PAK5: variants seen among roughly 807,000 people sequenced by gnomAD.
PAK5 encodes p21 (RAC1) activated kinase 5.
In PAK5, 16 loss-of-function variants were observed where a neutral mutation model predicts 65.9. That is an observed-to-expected ratio of 0.24 (90% CI 0.16 to 0.37). The LOEUF (loss-of-function observed/expected upper bound fraction) is 0.37, where lower values mean the gene tolerates loss of function less well. Among genes scored for constraint, PAK5 ranks in the 10% least tolerant of loss-of-function variants. PAK5 has a pLI of 1.00. For synonymous variants in PAK5, 371 were observed against 354.9 expected, an observed-to-expected ratio of 1.05 and a Z score of -0.51; for missense variants, 785 against 903.9, an observed-to-expected ratio of 0.87 and a Z score of 1.69.
intron 3 of PAK5, among the ~76,000 whole-genome samples, chr20:9,584,261 G>A (rs2046029908): frequency 6.6e-6 from 1 of 152,094 alleles, no homozygotes; most frequent in African/African-American, 2.4e-5. Flanking sequence ...TCTTTCAGCA[G>A]CTTCCTATTT....
In PAK5 at chr20:9,537,843, A is replaced by G. The variant is rs2045195157; in HGVS notation, c.*1619T>C. On this transcript the variant is annotated 3_prime_UTR_variant, in exon 10 of 10. Coordinates refer to ENST00000353224, the MANE Select transcript of PAK5 (RefSeq NM_177990.4). ...TTTCCAGTTTGAAAGAAAACTGAAA[A>G]TCTAATCAGTAGAAGGTCATTTTAT... is the stretch of plus-strand genomic sequence containing the variant. 1 of 226,826 alleles carries G rather than the reference A, an allele frequency of 4.4e-6. No individual in the cohort carries two copies. The highest frequency in any genetic ancestry group is 2.2e-5 in the African/African-American group (1 of 44,914). The allele number at this position is 226,826 out of a possible 1,614,324, so 14.1% of individuals were successfully genotyped here. A position where few individuals can be genotyped will look rare whatever the true frequency, so the allele number is the denominator to read the frequency against.
chr20:9,693,730 A>C (rs2047829221), intron 2 of PAK5, among the ~76,000 whole-genome samples: 1 of 152,170 alleles, frequency 6.6e-6, no homozygotes, highest in South Asian at 2.1e-4. Context: ...AAGCTCATTA[A>C]CACTTTATAA....
chr20:9,766,281 T>A (rs1188903254), intron 1 of PAK5, among the ~76,000 whole-genome samples: 2 of 146,748 alleles, frequency 1.4e-5, no homozygotes, highest in African/African-American at 2.5e-5. Flanking sequence ...ATATATATTC[T>A]AATTGAATAT....
chr20:9,670,106 CT>C (rs1378579145), intron 2 of PAK5, among the ~76,000 whole-genome samples: 1 of 152,060 alleles, frequency 6.6e-6, no homozygotes, highest in South Asian at 2.1e-4. Flanking sequence ...TGAACTCATC[CT>C]TTTTTATGGC....
chr20:9,653,781 T>G (rs1000013323), intron 2 of PAK5, among the ~76,000 whole-genome samples: 2 of 152,106 alleles, frequency 1.3e-5, no homozygotes, highest in African/African-American at 4.8e-5. Flanking sequence ...AACATGAGTC[T>G]CACCTGGTAA....
Position 9,797,559 on chromosome 20 carries a change from T to C in PAK5, c.-162+41203A>G, listed in dbSNP as rs560017795. 8.3e-4 allele frequency among the ~76,000 whole-genome samples: 125 copies of C among 151,208 alleles called. 1 individual carries two copies. In the Middle Eastern group the frequency reaches 0.021, roughly 25 times the overall value. The stretch of plus-strand genomic sequence containing the variant: ...ATACCTAATGTAAATGACGAGTTAA[T>C]GGGTGCAGCACACCAACACGGCACA... On this transcript the variant is annotated intron_variant, in intron 1 of 9. Transcript: ENST00000353224.
chr20:9,717,009 T>A (rs1746196810), intron 1 of PAK5, among the ~76,000 whole-genome samples: 1 of 151,044 alleles, frequency 6.6e-6, no homozygotes, highest in African/African-American at 2.4e-5. Flanking sequence ...GGCTTGAACC[T>A]GGGAGGTAGA....
chr20:9,741,446 T>C (rs975154602), intron 1 of PAK5, among the ~76,000 whole-genome samples: 7 of 152,134 alleles, frequency 4.6e-5, no homozygotes, highest in South Asian at 4.1e-4. Flanking sequence ...AATAACGCTT[T>C]TGGAATAAGC....
chr20:9,791,708 T>A (rs1403106770), intron 1 of PAK5, among the ~76,000 whole-genome samples: 1 of 152,118 alleles, frequency 6.6e-6, no homozygotes, highest in Non-Finnish European at 1.5e-5. Context: ...TTTGCATAAA[T>A]CTGCTTTATA....
At position 9,580,545 on chromosome 20, in the gene PAK5, G is replaced by A. The variant is rs375668103; in HGVS notation, c.590C>T (p.Ala197Val). 78 of 1,613,968 alleles carry A rather than the reference G, an allele frequency of 4.8e-5. No individual in the cohort carries two copies. The highest frequency in any genetic ancestry group is 6.7e-5 in the Admixed American group (4 of 59,988). Residue 197 changes from alanine (A) to valine (V), a missense_variant, in exon 4 of 10, where the codon GCC becomes GTC. Coordinates refer to ENST00000353224, the MANE Select transcript of PAK5 (RefSeq NM_177990.4). Reference protein sequence around the residue: ...PLKSDFARFSADYHSHLDSLS... With the variant: ...PLKSDFARFSVDYHSHLDSLS... ...TGAGTCCAAATGTGAGTGATAATCG[G>A]CAGAAAATCTGGCAAAATCGGATTT...
intron 1 of PAK5, among the ~76,000 whole-genome samples, chr20:9,730,451 C>T (rs182637608): frequency 2.0e-5 from 3 of 152,280 alleles, no homozygotes; most frequent in Admixed American, 6.5e-5. Context: ...TGCTTTTAAA[C>T]AATTCTCTCA....
chr20:9,787,674 G>T (rs1406045254), intron 1 of PAK5, among the ~76,000 whole-genome samples: 1 of 151,092 alleles, frequency 6.6e-6, no homozygotes, highest in African/African-American at 2.4e-5. Flanking sequence ...TACATTTACA[G>T]TGGTGTGCTG....
chr20:9,542,971 G>A (rs2045290692), intron 8 of PAK5, among the ~76,000 whole-genome samples: 2 of 152,160 alleles, frequency 1.3e-5, no homozygotes, highest in Non-Finnish European at 2.9e-5. Context: ...CTAAAGTTTA[G>A]TGCTTTCATT....
chr20:9,562,540 T>G (rs889373420), intron 6 of PAK5, among the ~76,000 whole-genome samples: 2 of 152,316 alleles, frequency 1.3e-5, no homozygotes, highest in East Asian at 1.9e-4. Context: ...CTTGGTGTCT[T>G]AGCATGCAGC....
At chr20:9,596,406 G>A (rs1478294959) in intron 3 of PAK5, among the ~76,000 whole-genome samples, 2 of 152,084 alleles carry the variant, frequency 1.3e-5, no homozygotes, top group East Asian at 3.9e-4. Flanking sequence ...GGAGGCCGAG[G>A]CGGGCGGATC....
intron 1 of PAK5, among the ~76,000 whole-genome samples, chr20:9,754,557 TCCCTAGG>T (rs2048612497): frequency 6.6e-6 from 1 of 152,174 alleles, no homozygotes; most frequent in Non-Finnish European, 1.5e-5. Flanking sequence ...AGATGTTTTA[TCCCTAGG>T]AGCAATTGGG....
intron 1 of PAK5, among the ~76,000 whole-genome samples, chr20:9,830,080 A>G (rs1978587910): frequency 6.6e-6 from 1 of 152,164 alleles, no homozygotes; most frequent in Admixed American, 6.5e-5. Flanking sequence ...GGAGGCAAAG[A>G]GCTCAAGGGG....
intron 2 of PAK5, among the ~76,000 whole-genome samples, chr20:9,658,751 C>T (rs1051959333): frequency 6.6e-6 from 1 of 152,186 alleles, no homozygotes; most frequent in African/African-American, 2.4e-5. Flanking sequence ...AATACTGTCA[C>T]ATAGCTAATT....
chr20:9,558,419 G>T (rs2045544423), intron 6 of PAK5, among the ~76,000 whole-genome samples: 1 of 152,100 alleles, frequency 6.6e-6, no homozygotes, highest in African/African-American at 2.4e-5. Context: ...GGGGCTCCAT[G>T]AACTCTTAAC....
Sources: gnomAD v4.1 joint callset for allele counts (sites outside exome capture counted in the v4.1 genomes callset) on GRCh38, gnomAD v4.1.1 for gene constraint, MANE v1.5 for transcripts, NCBI Gene and HGNC (gene_info 2026-07-23, HGNC 2026-07-21) for gene names.